PDLIM7: variants seen among roughly 807,000 people sequenced by gnomAD.
PDLIM7 encodes the protein PDZ and LIM domain 7, also known as PDZ and LIM domain protein 7.
In PDLIM7, 37 loss-of-function variants were observed where a neutral mutation model predicts 53.9. The ratio of observed to expected loss-of-function variants is 0.69; its 90% CI spans 0.53 to 0.90. PDLIM7 has a LOEUF of 0.90. Ranked by LOEUF, PDLIM7 falls within the 40% of genes least tolerant of loss-of-function variation. The pLI, the probability that PDLIM7 is intolerant of heterozygous loss-of-function variation, is 0.00. For synonymous variants in PDLIM7, 300 were observed against 261.3 expected, an observed-to-expected ratio of 1.15 and a Z score of -1.43; for missense variants, 617 against 638.5, an observed-to-expected ratio of 0.97 and a Z score of 0.36.
chr5:177,488,019 TC>T, intron 10 of PDLIM7, 48 bp downstream of exon 10: 1 of 1,529,598 alleles, frequency 6.5e-7, no homozygotes, highest in Non-Finnish European at 8.8e-7. Flanking sequence ...CAGCCCTCGT[TC>T]CCACTGACAG....
chr5:177,496,311 C>A (rs538785195), intron 2 of PDLIM7, 106 bp downstream of exon 2: 2 of 767,256 alleles, frequency 2.6e-6, no homozygotes, highest in South Asian at 4.2e-5. Context: ...CATCTCCTGG[C>A]CTGCTGGCCC....
chr5:177,496,718 A>G, intron 1 of PDLIM7, 195 bp from the exon 2 acceptor site: 1 of 411,620 alleles, frequency 2.4e-6, no homozygotes, highest in Non-Finnish European at 4.4e-6. Flanking sequence ...CTTTGGAAAG[A>G]CAGGAGCAGC....
rs1376940814 is a variant in PDLIM7 at position 177,496,394 on chromosome 5, C to A, written c.96+23G>T. ...AGCACCGAAAGACCGCTGGGGGAGC[C>A]CCCTCCCCAAACCTAGGCTCACCCG... is the stretch of plus-strand genomic sequence containing the variant. On this transcript the variant is annotated intron_variant, in intron 2 of 12. Transcript: ENST00000355841. 3.9e-6 allele frequency: 6 copies of A among 1,522,288 alleles called. 1 individual carries two copies. In the Admixed American group the frequency reaches 8.4e-5, roughly 21 times the overall value. 94.3% of individuals were successfully genotyped at this position (1,522,288 alleles called of 1,614,324 possible).
chr5:177,489,692 G>T, intron 8 of PDLIM7, 65 bp from the exon 9 acceptor site: 1 of 1,488,684 alleles, frequency 6.7e-7, no homozygotes. Flanking sequence ...GGAGCCCCAG[G>T]CAGCTGAGAG....
At position 177,488,117 on chromosome 5, in the gene PDLIM7, T is replaced by C. The variant is rs1758555408; in HGVS notation, c.1001A>G (p.Asp334Gly). ...GGCACAGCTGGGTGCATAGCGCACG[T>C]CATAGCATGGTGGGCAGAAGATGGC... is the stretch of plus-strand genomic sequence containing the variant. ...KGAIFCPPCY[D>G]VRYAPSCAKC... Residue 334 changes from aspartate to glycine, a missense_variant, in exon 10 of 13, where the codon GAC (aspartate) becomes GGC (glycine). Physicochemically the swap from Asp to Gly is moderately conservative, Grantham distance 94 (BLOSUM62 -1). Transcript: ENST00000355841. The C allele has an allele frequency of 2.5e-6, 4 of 1,612,856 alleles. No individual in the cohort carries two copies. Among genetic ancestry groups the C allele is most frequent in the Non-Finnish European group, 3.4e-6 (4 of 1,179,830 alleles).
At chr5:177,486,242 T>A (rs1004952035) in intron 10 of PDLIM7, among the ~76,000 whole-genome samples, 5 of 152,106 alleles carry the variant, frequency 3.3e-5, no homozygotes, top group Admixed American at 2.6e-4. Context: ...ATTTTTTAAA[T>A]TGTTTGCTAC....
At chr5:177,490,234 A>G (rs1191422468) in intron 7 of PDLIM7, 18 of 1,448,812 alleles carry the variant, frequency 1.2e-5, no homozygotes, top group Non-Finnish European at 1.6e-5. Flanking sequence ...GATAGAAGAC[A>G]GGCAGAGCAA....
intron 10 of PDLIM7, among the ~76,000 whole-genome samples, chr5:177,486,127 C>T (rs987677101): frequency 6.6e-6 from 1 of 151,878 alleles, no homozygotes; most frequent in African/African-American, 2.4e-5. Context: ...CTATGGTGCC[C>T]ATGCTGGTCT....
intron 7 of PDLIM7, chr5:177,490,295 A>G: frequency 6.9e-7 from 1 of 1,442,756 alleles, no homozygotes; most frequent in Non-Finnish European, 9.1e-7. Flanking sequence ...GACCTGGCAG[A>G]CAGCAGTACC....
chr5:177,489,531 G>A lies in PDLIM7; in HGVS notation c.731C>T (p.Thr244Ile). ...YAPDKTSTVL[T>I]RHSQPATPTP... ...GGGCGTGGCCGGCTGGCTGTGCCGG[G>A]TCAGCACTGTGCTCGTTTTGTCCGG... The change falls in exon 9 of 13, where the codon ACC (threonine) becomes ATC (isoleucine). Residue 244 changes from threonine to isoleucine, a missense_variant. Physicochemically the swap from Thr to Ile is moderately conservative, Grantham distance 89. Coordinates refer to ENST00000355841, the MANE Select transcript of PDLIM7 (RefSeq NM_005451.5). 2 of 1,610,060 alleles carry A rather than the reference G, an allele frequency of 1.2e-6. No individual in the cohort carries two copies. Among genetic ancestry groups the A allele is most frequent in the Non-Finnish European group, 8.5e-7 (1 of 1,178,968 alleles).
chr5:177,495,299 T>C (rs1168496962), intron 2 of PDLIM7, among the ~76,000 whole-genome samples: 1 of 151,832 alleles, frequency 6.6e-6, no homozygotes, highest in Non-Finnish European at 1.5e-5. Context: ...CACGCCCAGC[T>C]CCTACAGACA....
chr5:177,484,197 G>A lies in PDLIM7; in HGVS notation c.1051-7C>T. On this transcript the variant is annotated splice_polypyrimidine_tract_variant and splice_region_variant and intron_variant, in intron 10 of 12. Coordinates refer to ENST00000355841, the MANE Select transcript of PDLIM7 (RefSeq NM_005451.5). ...TCAGGGCGTGCATGATCTCCTGGAA[G>A]GAGGTCCCAGTCACTCGGCAGGCTC... 2.5e-6 allele frequency: 4 copies of A among 1,612,656 alleles called. No individual in the cohort carries two copies. Among genetic ancestry groups the A allele is most frequent in the Non-Finnish European group, 3.4e-6 (4 of 1,179,894 alleles).
chr5:177,491,261 G>A (rs1030816560), intron 5 of PDLIM7, 115 bp from the exon 6 acceptor site: 9 of 1,431,420 alleles, frequency 6.3e-6, no homozygotes, highest in East Asian at 4.8e-5. Flanking sequence ...AGTGGGTAAG[G>A]GTGAGGCCAG....
intron 10 of PDLIM7, among the ~76,000 whole-genome samples, chr5:177,485,472 C>T (rs1758393636): frequency 6.6e-6 from 1 of 152,230 alleles, no homozygotes; most frequent in Admixed American, 6.5e-5. Context: ...CCTTGACCTT[C>T]TCAAGTCTTG....
At chr5:177,487,239 A>G (rs28601858) in intron 10 of PDLIM7, among the ~76,000 whole-genome samples, 151,938 of 152,320 alleles carry the variant, frequency 1, 75,779 homozygotes, top group Middle Eastern at 1. Context: ...CCACTCTCCC[A>G]TTCTTGCCGA....
chr5:177,487,600 G>C (rs1323221167), intron 10 of PDLIM7, among the ~76,000 whole-genome samples: 3 of 152,242 alleles, frequency 2.0e-5, no homozygotes, highest in Non-Finnish European at 4.4e-5. Flanking sequence ...TTTTAGATGA[G>C]AAATAAGCCA....
At chr5:177,491,725 CA>C (rs1425990888) in intron 5 of PDLIM7, 81 bp downstream of exon 5, 2 of 770,802 alleles carry the variant, frequency 2.6e-6, no homozygotes, top group African/African-American at 1.9e-5. Flanking sequence ...GGGCGCAGCA[CA>C]GACTGAGCAG....
Position 177,483,994 on chromosome 5 carries a change from G to A in PDLIM7, c.1172-12C>T, listed in dbSNP as rs1314677307. 1 of 1,613,562 alleles carries A rather than the reference G, an allele frequency of 6.2e-7. No individual in the cohort carries two copies. The highest frequency in any genetic ancestry group is 1.3e-5 in the African/African-American group (1 of 75,006). On this transcript the variant is annotated splice_polypyrimidine_tract_variant and intron_variant, in intron 11 of 12. Transcript: ENST00000355841. ...CATCTTCTCATAGTCTGAGAATGGG[G>A]GCAGAGAGAAAGAGGACCTGGATTC... is the stretch of plus-strand genomic sequence containing the variant.
At chr5:177,493,946 G>A (rs1191272429) in intron 2 of PDLIM7, among the ~76,000 whole-genome samples, 1 of 152,198 alleles carries the variant, frequency 6.6e-6, no homozygotes, top group Non-Finnish European at 1.5e-5. Flanking sequence ...TCAGAGGGCA[G>A]GGCAGCCAGG....
Sources: gnomAD v4.1 joint callset for allele counts (sites outside exome capture counted in the v4.1 genomes callset) on GRCh38, gnomAD v4.1.1 for gene constraint, MANE v1.5 for transcripts, NCBI Gene and HGNC (gene_info 2026-07-23, HGNC 2026-07-21) for gene names.